The following CCDC63 variants were observed in gnomAD, a reference collection of about 807,000 sequenced individuals.
CCDC63 encodes the protein coiled-coil domain containing 63, also known as coiled-coil domain-containing protein 63.
In CCDC63, 54 loss-of-function variants were observed where a neutral mutation model predicts 63.6. The observed-to-expected ratio is 0.85, with a 90% confidence interval of 0.68 to 1.07. CCDC63 has a LOEUF of 1.07. Among genes scored for constraint, CCDC63 ranks in the 50% least tolerant of loss-of-function variants. CCDC63 has a pLI of 0.00. For missense variants in CCDC63, 637 were observed against 689.6 expected, an observed-to-expected ratio of 0.92 and a Z score of 0.86; for synonymous variants, 253 against 266.1, an observed-to-expected ratio of 0.95 and a Z score of 0.48.
chr12:110,863,315 T>G (rs943073593), intron 4 of CCDC63, among the ~76,000 whole-genome samples: 1 of 151,980 alleles, frequency 6.6e-6, no homozygotes, highest in Non-Finnish European at 1.5e-5. Context: ...CCACAGCTAG[T>G]ATCCATTGTA....
At chr12:110,895,375 A>C (rs750725202) in intron 9 of CCDC63, among the ~76,000 whole-genome samples, 2 of 152,240 alleles carry the variant, frequency 1.3e-5, no homozygotes, top group African/African-American at 2.4e-5. Context: ...TTGGCCTCCC[A>C]AAGTGCTGGG....
Position 110,889,635 on chromosome 12 carries a change from G to A in CCDC63, c.1075-3441G>A, listed in dbSNP as rs2071331735. On this transcript the variant is annotated intron_variant, in intron 8 of 11. Coordinates refer to ENST00000308208, the MANE Select transcript of CCDC63 (RefSeq NM_152591.3). The surrounding 1 kb of genome is among the most constrained non-coding windows in gnomAD (Gnocchi z 4.1). Reference sequence around the variant, plus strand: ...TGAATCTGGGAGGTGAGGGCTGCTGGGCACATTTCCAGAAGAGGTTTTGGC... The same window carrying A: ...TGAATCTGGGAGGTGAGGGCTGCTGAGCACATTTCCAGAAGAGGTTTTGGC... Among the ~76,000 whole-genome samples, 1 of 152,142 alleles carries A rather than the reference G, an allele frequency of 6.6e-6. No individual in the cohort carries two copies. The highest frequency in any genetic ancestry group is 1.5e-5 in the Non-Finnish European group (1 of 68,034).
Position 110,889,887 on chromosome 12 carries a change from T to C in CCDC63, c.1075-3189T>C, listed in dbSNP as rs922328759. 1.3e-5 allele frequency among the ~76,000 whole-genome samples: 2 copies of C among 152,034 alleles called. No homozygotes were observed. The highest frequency in any genetic ancestry group is 2.9e-5 in the Non-Finnish European group (2 of 67,992). On this transcript the variant is annotated intron_variant, in intron 8 of 11. Transcript: ENST00000308208. This position sits in a 1 kb window ranked among gnomAD's most constrained non-coding sequence, Gnocchi z 4.1. ...CTTTTTTCCTTTTTCCAAAATCATATATTTTTTTCCGATTAGAATTTTTTT... is the reference window on the plus strand; with the variant it reads ...CTTTTTTCCTTTTTCCAAAATCATACATTTTTTTCCGATTAGAATTTTTTT...
intron 10 of CCDC63, among the ~76,000 whole-genome samples, chr12:110,903,057 A>G (rs989685201): frequency 2.6e-5 from 4 of 151,900 alleles, no homozygotes; most frequent in African/African-American, 4.8e-5. Flanking sequence ...TTGTATTTTC[A>G]GTAGAGATGG....
At chr12:110,856,744 G>T (rs1410256609) in intron 3 of CCDC63, among the ~76,000 whole-genome samples, 2 of 151,566 alleles carry the variant, frequency 1.3e-5, no homozygotes, top group Non-Finnish European at 2.9e-5. Context: ...CTGGCTGCTG[G>T]TTTTTTGTAA....
At chr12:110,890,302 CA>C (rs879759807) in intron 8 of CCDC63, among the ~76,000 whole-genome samples, 1,727 of 132,776 alleles carry the variant, frequency 0.013, 21 homozygotes, top group African/African-American at 0.043. Context: ...GACCCTGTCT[CA>C]AAAAAAAAAA....
intron 5 of CCDC63, among the ~76,000 whole-genome samples, chr12:110,874,881 G>A (rs1593666600): frequency 6.6e-6 from 1 of 152,200 alleles, no homozygotes; most frequent in Admixed American, 6.6e-5. Flanking sequence ...TAGAGGAGAG[G>A]TGGTTCCCCT....
upstream of CCDC63, among the ~76,000 whole-genome samples, chr12:110,846,522 C>A (rs951260247): frequency 6.6e-6 from 1 of 152,024 alleles, no homozygotes; most frequent in Non-Finnish European, 1.5e-5. Context: ...CTCTTTCCCC[C>A]CCCGCCCCAA....
intron 10 of CCDC63, among the ~76,000 whole-genome samples, chr12:110,903,040 A>G (rs2071510681): frequency 6.6e-6 from 1 of 151,826 alleles, no homozygotes; most frequent in Non-Finnish European, 1.5e-5. Context: ...GAGCAACCAC[A>G]TCCAGCTTGT....
intron 4 of CCDC63, among the ~76,000 whole-genome samples, chr12:110,867,354 A>AC (rs1299186844): frequency 3.6e-5 from 3 of 83,470 alleles, no homozygotes; most frequent in African/African-American, 5.1e-5. Flanking sequence ...TGGAGGGCTG[A>AC]CCCCCCCACC....
chr12:110,878,908 A>G (rs1226278019), intron 5 of CCDC63, among the ~76,000 whole-genome samples: 1 of 152,242 alleles, frequency 6.6e-6, no homozygotes, highest in Admixed American at 6.5e-5. Flanking sequence ...AAAAAAGCTA[A>G]GACAATTTAT....
intron 4 of CCDC63, 35 bp from the exon 5 acceptor site, chr12:110,873,807 C>T: frequency 6.2e-7 from 1 of 1,609,184 alleles, no homozygotes; most frequent in Non-Finnish European, 8.5e-7. Flanking sequence ...CAGATGCTAA[C>T]ACAGCTGGAA....
chr12:110,880,673 GTGGTGACGATAATGATGGTAA>G (rs2071188291), intron 6 of CCDC63, among the ~76,000 whole-genome samples: 1 of 1,714 alleles, frequency 5.8e-4, no homozygotes, highest in Non-Finnish European at 1.4e-3. Context: ...GGTGATGATG[GTGGTGACGATAATGATGGTAA>G]TGATGGTGAT....
At chr12:110,881,894 A>T (rs546239483) in intron 7 of CCDC63, among the ~76,000 whole-genome samples, 2 of 152,320 alleles carry the variant, frequency 1.3e-5, no homozygotes, top group South Asian at 4.1e-4. Context: ...TTTAACTGAG[A>T]ACCCTCTATT....
intron 9 of CCDC63, among the ~76,000 whole-genome samples, chr12:110,897,278 T>TAA (rs202229988): frequency 4.7e-4 from 63 of 134,314 alleles, no homozygotes; most frequent in Admixed American, 2.5e-3. Context: ...CTAATTTTAT[T>TAA]AAAAAAAAAA....
At position 110,858,789 on chromosome 12, in the gene CCDC63, C is replaced by G. The variant is rs1410169149; in HGVS notation, c.369+14C>G. 3 of 1,609,128 alleles carry G rather than the reference C, an allele frequency of 1.9e-6. No individual in the cohort carries two copies. The highest frequency in any genetic ancestry group is 4.5e-5 in the East Asian group (2 of 44,850). On this transcript the variant is annotated intron_variant, in intron 4 of 11. Transcript: ENST00000308208. ...CTGGATGAGAAGGTGTGGTCTTTCT[C>G]TTAAAGGGTTAACCAGAACACAGAG...
chr12:110,859,853 C>T (rs2070829312), intron 4 of CCDC63, among the ~76,000 whole-genome samples: 1 of 152,042 alleles, frequency 6.6e-6, no homozygotes, highest in African/African-American at 2.4e-5. Context: ...CGTGATCTAG[C>T]CCCTGCCTAC....
intron 4 of CCDC63, among the ~76,000 whole-genome samples, chr12:110,867,188 C>T (rs2136669594): frequency 7.0e-6 from 1 of 142,128 alleles, no homozygotes; most frequent in East Asian, 2.2e-4. Context: ...ACACCCCCAC[C>T]TCCCTCCCGG....
At chr12:110,903,422 G>A (rs915405932) in intron 10 of CCDC63, among the ~76,000 whole-genome samples, 9 of 152,156 alleles carry the variant, frequency 5.9e-5, no homozygotes, top group African/African-American at 2.2e-4. Context: ...AATGAACATC[G>A]GGATGGCCAG....
Sources: gnomAD v4.1 joint callset for allele counts (sites outside exome capture counted in the v4.1 genomes callset) on GRCh38, gnomAD v4.1.1 for gene constraint, Gnocchi (gnomAD v3.1) non-coding constraint, MANE v1.5 for transcripts, NCBI Gene and HGNC (gene_info 2026-07-23, HGNC 2026-07-21) for gene names.